DGKB: variants seen among roughly 807,000 people sequenced by gnomAD.
The protein encoded by DGKB is diacylglycerol kinase beta.
A neutral mutation model predicts 114.3 loss-of-function variants in DGKB; 67 were observed. That is an observed-to-expected ratio of 0.59 (90% confidence interval 0.48 to 0.72). The LOEUF (loss-of-function observed/expected upper bound fraction) is 0.72. Ranked by LOEUF, DGKB falls within the 30% of genes least tolerant of loss-of-function variation. The probability of loss-of-function intolerance (pLI) is 0.00; values close to 1 mark genes in which losing one functional copy is unlikely to be tolerated. For synonymous variants in DGKB, 398 were observed against 323.1 expected (o/e 1.23, Z -2.49); for missense variants, 907 against 975.2 (o/e 0.93, Z 0.93).
intron 1 of DGKB, among the ~76,000 whole-genome samples, chr7:14,936,084 C>T (rs920437361): frequency 2.0e-5 from 3 of 152,040 alleles, no homozygotes; most frequent in African/African-American, 4.8e-5. Flanking sequence ...TTTTCAGAGC[C>T]TTGAGTTTGA....
At chr7:14,158,309 T>A (rs1783344321) in intron 25 of DGKB, among the ~76,000 whole-genome samples, 1 of 152,238 alleles carries the variant, frequency 6.6e-6, no homozygotes, top group Non-Finnish European at 1.5e-5. Context: ...ATTATGGCCA[T>A]CTGCCTTCTC....
chr7:14,828,936 A>G (rs956007069), intron 2 of DGKB, among the ~76,000 whole-genome samples: 1 of 152,130 alleles, frequency 6.6e-6, no homozygotes, highest in East Asian at 1.9e-4. Context: ...GAAGTGACAC[A>G]TGTGGAGCCA....
At chr7:14,939,181 T>C (rs1474310204) in intron 1 of DGKB, among the ~76,000 whole-genome samples, 1 of 152,202 alleles carries the variant, frequency 6.6e-6, no homozygotes, top group East Asian at 1.9e-4. Flanking sequence ...GTACATAGTA[T>C]GTACCCAATA....
intron 13 of DGKB, among the ~76,000 whole-genome samples, chr7:14,643,304 G>C (rs1812193749): frequency 1.3e-5 from 2 of 152,208 alleles, no homozygotes; most frequent in South Asian, 4.1e-4. Flanking sequence ...TGCCCTCACA[G>C]ACCCCGAGCC....
At chr7:14,737,046 T>TTTTAAG (rs1831827313) in intron 4 of DGKB, among the ~76,000 whole-genome samples, 2 of 152,174 alleles carry the variant, frequency 1.3e-5, no homozygotes, top group South Asian at 4.1e-4. Flanking sequence ...AATGGTACTA[T>TTTTAAG]TTTAAGTTGG....
At chr7:14,835,860 A>G (rs1355494213) in intron 2 of DGKB, among the ~76,000 whole-genome samples, 1 of 152,184 alleles carries the variant, frequency 6.6e-6, no homozygotes, top group African/African-American at 2.4e-5. Flanking sequence ...TTATTGTGCC[A>G]CAGTTCTGGT....
chr7:14,287,069 C>T (rs989852164), intron 23 of DGKB, among the ~76,000 whole-genome samples: 4 of 152,074 alleles, frequency 2.6e-5, no homozygotes, highest in African/African-American at 9.7e-5. Context: ...CCATTTCTTT[C>T]AGCATTAAAA....
intron 23 of DGKB, among the ~76,000 whole-genome samples, chr7:14,326,945 T>A (rs1249059185): frequency 6.6e-6 from 1 of 152,050 alleles, no homozygotes; most frequent in Non-Finnish European, 1.5e-5. Context: ...TTACAACACA[T>A]ATACACAAGA....
At chr7:14,839,066 A>G (rs1362192801) in intron 2 of DGKB, among the ~76,000 whole-genome samples, 1 of 152,134 alleles carries the variant, frequency 6.6e-6, no homozygotes. Context: ...ATATAACCTT[A>G]AAGTCTGCTT....
chr7:14,578,746 G>T (rs1584931091), intron 19 of DGKB, among the ~76,000 whole-genome samples: 1 of 152,256 alleles, frequency 6.6e-6, no homozygotes, highest in East Asian at 1.9e-4. Flanking sequence ...CACATTTTCT[G>T]ACCAGTTTAT....
intron 21 of DGKB, among the ~76,000 whole-genome samples, chr7:14,472,275 C>T (rs1216784038): frequency 6.6e-6 from 1 of 152,102 alleles, no homozygotes; most frequent in Non-Finnish European, 1.5e-5. Flanking sequence ...GCAGGTCTTT[C>T]CCATGCTGTT....
chr7:14,619,842 A>C (rs1807275777), intron 15 of DGKB, among the ~76,000 whole-genome samples: 1 of 151,654 alleles, frequency 6.6e-6, no homozygotes, highest in Non-Finnish European at 1.5e-5. Flanking sequence ...ATATGTATAA[A>C]ATACCATCAT....
chr7:14,941,455 T>A (rs1392814989), intron 1 of DGKB, among the ~76,000 whole-genome samples: 1 of 152,080 alleles, frequency 6.6e-6, no homozygotes, highest in Non-Finnish European at 1.5e-5. Flanking sequence ...ACATTAAGAT[T>A]GTTATCCTGA....
intron 13 of DGKB, among the ~76,000 whole-genome samples, chr7:14,646,010 G>A (rs1446432145): frequency 1.3e-5 from 2 of 152,314 alleles, no homozygotes; most frequent in East Asian, 1.9e-4. Flanking sequence ...CCAATGGGTA[G>A]TTAGTCTTCA....
chr7:14,738,646 T>A (rs1031709133), intron 4 of DGKB, among the ~76,000 whole-genome samples: 1 of 152,260 alleles, frequency 6.6e-6, no homozygotes, highest in Admixed American at 6.5e-5. Context: ...TAAAAATTCA[T>A]AATTTGAAAC....
intron 1 of DGKB, among the ~76,000 whole-genome samples, chr7:14,956,119 G>C (rs756223231): frequency 6.6e-6 from 1 of 151,866 alleles, no homozygotes; most frequent in Non-Finnish European, 1.5e-5. Context: ...ACTCATCTCA[G>C]GGTAACTTTA....
intron 23 of DGKB, among the ~76,000 whole-genome samples, chr7:14,289,758 A>C (rs980188248): frequency 2.7e-4 from 41 of 151,614 alleles, no homozygotes; most frequent in Non-Finnish European, 5.4e-4. Flanking sequence ...AAAAAAAAAA[A>C]AAAAACACAA....
At chr7:14,318,088 GA>G in intron 23 of DGKB, among the ~76,000 whole-genome samples, 1 of 71,010 alleles carries the variant, frequency 1.4e-5, no homozygotes, top group East Asian at 3.7e-4. Flanking sequence ...GCCATATGTA[GA>G]AAGCTGAAAC....
intron 2 of DGKB, among the ~76,000 whole-genome samples, chr7:14,805,154 A>T (rs528372736): frequency 6.6e-6 from 1 of 152,226 alleles, no homozygotes; most frequent in East Asian, 1.9e-4. Context: ...GCCAAAAAAC[A>T]AAATTTATGT....
Sources: gnomAD v4.1 joint callset for allele counts (sites outside exome capture counted in the v4.1 genomes callset) on GRCh38, gnomAD v4.1.1 for gene constraint, MANE v1.5 for transcripts, NCBI Gene and HGNC (gene_info 2026-07-23, HGNC 2026-07-21) for gene names.